The following NARF variants were observed in gnomAD, a reference collection of about 807,000 sequenced individuals.
The protein encoded by NARF is iron-only hydrogenase-like protein 2.
A neutral mutation model predicts 48.0 loss-of-function variants in NARF; 41 were observed. The ratio of observed to expected loss-of-function variants is 0.85; its 90% CI spans 0.66 to 1.11. The LOEUF (loss-of-function observed/expected upper bound fraction) is 1.11. NARF is among the 50% of genes least tolerant of loss of function. The pLI, the probability that NARF is intolerant of heterozygous loss-of-function variation, is 0.00. For missense variants in NARF, 613 were observed against 590.2 expected (o/e 1.04, Z -0.40); for synonymous variants, 215 against 225.5 (o/e 0.95, Z 0.42).
intron 7 of NARF, chr17:82,482,048 A>G (rs1443681752): frequency 6.7e-6 from 2 of 300,436 alleles, no homozygotes; most frequent in Non-Finnish European, 1.3e-5. Context: ...CCCTGGAATT[A>G]TGTAGAACCC....
Position 82,460,020 on chromosome 17 carries a change from A to G in NARF, c.56A>G (p.Asp19Gly), listed in dbSNP as rs1351322062. 2 of 1,613,806 alleles carry G rather than the reference A, an allele frequency of 1.2e-6. No homozygotes were observed. Among genetic ancestry groups the G allele is most frequent in the Non-Finnish European group, 1.7e-6 (2 of 1,179,846 alleles). The change falls in exon 2 of 11, where the codon GAC (aspartate) becomes GGC (glycine). Residue 19 changes from aspartate (D) to glycine (G), a missense_variant. By Grantham distance (94) the Asp-to-Gly change is moderately conservative (BLOSUM62 -1). Coordinates refer to ENST00000309794, the MANE Select transcript of NARF (RefSeq NM_012336.4). The part of the protein sequence containing the change: ...KECSKKTKTD[D>G]QENVSADAPS... ...TGTAGTAAGAAAACAAAAACTGATG[A>G]CCAAGAGAATGTGTCAGCCGATGCA...
intron 5 of NARF, among the ~76,000 whole-genome samples, chr17:82,476,167 C>G (rs1384412416): frequency 6.6e-6 from 1 of 152,048 alleles, no homozygotes; most frequent in East Asian, 1.9e-4. Flanking sequence ...GCCACCATGC[C>G]CAGCTAATTT....
chr17:82,478,404 C>T (rs1261972897), intron 5 of NARF, among the ~76,000 whole-genome samples: 1 of 152,212 alleles, frequency 6.6e-6, no homozygotes, highest in African/African-American at 2.4e-5. Flanking sequence ...GGCTGCTCTC[C>T]CCTGAGCGGT....
chr17:82,474,941 C>T (rs1279696413), intron 5 of NARF, among the ~76,000 whole-genome samples: 4 of 152,090 alleles, frequency 2.6e-5, no homozygotes, highest in African/African-American at 7.2e-5. Context: ...TATCAGAGGT[C>T]GAAGTATAAG....
At chr17:82,476,055 TG>T (rs1200924372) in intron 5 of NARF, among the ~76,000 whole-genome samples, 1 of 152,226 alleles carries the variant, frequency 6.6e-6, no homozygotes, top group Admixed American at 6.5e-5. Context: ...TCACCCAGGC[TG>T]GAGTGCATTG....
Position 82,488,510 on chromosome 17 carries a change from G to A in NARF, c.*353G>A, listed in dbSNP as rs768985742. On this transcript the variant is annotated 3_prime_UTR_variant, in exon 11 of 11. Transcript: ENST00000309794. Reference sequence around the variant, plus strand: ...CTTGCCCCAGCCTCCCGAGTAGCTGGGACTAACGCGCACACCACCATGCCC... The same window carrying A: ...CTTGCCCCAGCCTCCCGAGTAGCTGAGACTAACGCGCACACCACCATGCCC... 4.4e-6 allele frequency: 1 copy of A among 228,358 alleles called. No homozygotes were observed. Among genetic ancestry groups the A allele is most frequent in the Non-Finnish European group, 8.8e-6 (1 of 113,752 alleles). 14.1% of individuals were successfully genotyped at this position (228,358 alleles called of 1,614,324 possible).
At chr17:82,459,294 A>T in intron 1 of NARF, 1 of 558,468 alleles carries the variant, frequency 1.8e-6, no homozygotes, top group Non-Finnish European at 2.3e-6. Flanking sequence ...ACAACCGCGC[A>T]GCGCACGCAG....
intron 8 of NARF, 54 bp downstream of exon 8, chr17:82,483,833 C>T: frequency 6.4e-7 from 1 of 1,556,336 alleles, no homozygotes; most frequent in Non-Finnish European, 8.8e-7. Context: ...CTCGTCAGCC[C>T]TGCCAGCCAC....
chr17:82,470,740 C>T (rs376199269), intron 4 of NARF, among the ~76,000 whole-genome samples: 8 of 152,014 alleles, frequency 5.3e-5, no homozygotes, highest in Admixed American at 1.3e-4. Flanking sequence ...ATGATCTAAC[C>T]GCCTTGGACT....
intron 5 of NARF, among the ~76,000 whole-genome samples, chr17:82,478,252 C>T (rs2043878692): frequency 6.6e-6 from 1 of 152,224 alleles, no homozygotes. Flanking sequence ...CAGGAAAGTG[C>T]TCAGATTGTG....
intron 5 of NARF, among the ~76,000 whole-genome samples, chr17:82,475,217 C>T (rs2043805906): frequency 6.6e-6 from 1 of 152,214 alleles, no homozygotes; most frequent in African/African-American, 2.4e-5. Flanking sequence ...ACCAGTCACA[C>T]TTGCTTAGTT....
intron 5 of NARF, among the ~76,000 whole-genome samples, chr17:82,476,238 C>T (rs976716978): frequency 6.6e-6 from 1 of 152,160 alleles, no homozygotes; most frequent in African/African-American, 2.4e-5. Context: ...AAACTCCTGA[C>T]CTCAGGTGAT....
chr17:82,470,620 G>A (rs2043676804), intron 4 of NARF, among the ~76,000 whole-genome samples: 2 of 151,808 alleles, frequency 1.3e-5, no homozygotes, highest in African/African-American at 2.4e-5. Flanking sequence ...TCAGCCTCCC[G>A]AGTGGCTGGG....
chr17:82,460,249 G>A (rs1159108221), intron 2 of NARF, 177 bp downstream of exon 2: 7 of 496,590 alleles, frequency 1.4e-5, no homozygotes, highest in Admixed American at 7.3e-5. Flanking sequence ...CGGATCACTT[G>A]AGGTCAGGAG....
At chr17:82,478,542 C>T (rs909258151) in intron 5 of NARF, 12 of 560,980 alleles carry the variant, frequency 2.1e-5, no homozygotes, top group Non-Finnish European at 3.4e-5. Flanking sequence ...CCTGTTACTC[C>T]GACTCTTACT....
At position 82,474,706 on chromosome 17, in the gene NARF, C is replaced by T. The variant is rs146692025; in HGVS notation, c.520+2008C>T. 9.9e-5 allele frequency among the ~76,000 whole-genome samples: 15 copies of T among 152,250 alleles called. No individual in the cohort carries two copies. In the South Asian group the frequency reaches 1.7e-3, roughly 17 times the overall value. On this transcript the variant is annotated intron_variant, in intron 5 of 10. Transcript: ENST00000309794. The stretch of plus-strand genomic sequence containing the variant: ...AATTAATAAGATGGAACATTGACAT[C>T]GTGGTTGCTTAGAATACGGACTTAC...
At chr17:82,468,490 G>A in intron 3 of NARF, 1 of 383,914 alleles carries the variant, frequency 2.6e-6, no homozygotes. Flanking sequence ...AGCCTCCTGT[G>A]TAGCTGGAAC....
At position 82,488,834 on chromosome 17, in the gene NARF, G is replaced by A. The variant is rs1266730320; in HGVS notation, c.*677G>A. ...CCTGTGAAGAGCTAGGACCCCCAGA[G>A]GTTCTAATGCACATGACTTGAAGGT... On this transcript the variant is annotated 3_prime_UTR_variant, in exon 11 of 11. Coordinates refer to ENST00000309794, the MANE Select transcript of NARF (RefSeq NM_012336.4). The A allele has an allele frequency of 6.6e-6, 1 of 152,630 alleles. No individual in the cohort carries two copies. The highest frequency in any genetic ancestry group is 1.9e-4 in the East Asian group (1 of 5,192). 9.5% of individuals were successfully genotyped at this position (152,630 alleles called of 1,614,324 possible).
intron 10 of NARF, among the ~76,000 whole-genome samples, chr17:82,486,615 A>G (rs1441856587): frequency 1.3e-5 from 2 of 152,196 alleles, no homozygotes; most frequent in Non-Finnish European, 2.9e-5. Context: ...CGGAAGGGTC[A>G]GTCCCACAGC....
Sources: gnomAD v4.1 joint callset for allele counts (sites outside exome capture counted in the v4.1 genomes callset) on GRCh38, gnomAD v4.1.1 for gene constraint, MANE v1.5 for transcripts, NCBI Gene and HGNC (gene_info 2026-07-23, HGNC 2026-07-21) for gene names.